The following HS3ST4 variants were observed in gnomAD, a reference collection of about 807,000 sequenced individuals.
The protein encoded by HS3ST4 is heparan sulfate-glucosamine 3-sulfotransferase 4, also known as heparan sulfate glucosamine 3-O-sulfotransferase 4.
Under a neutral mutation model 29.2 loss-of-function variants are expected in HS3ST4, and 17 were observed. The observed-to-expected ratio is 0.58, with a 90% confidence interval of 0.40 to 0.87. HS3ST4 has a LOEUF of 0.87. Among genes scored for constraint, HS3ST4 ranks in the 40% least tolerant of loss-of-function variants. The pLI, the probability that HS3ST4 is intolerant of heterozygous loss-of-function variation, is 0.00. For missense variants in HS3ST4, 627 were observed against 634.5 expected (o/e 0.99, Z 0.13); for synonymous variants, 314 against 285.7 (o/e 1.10, Z -1.00).
At chr16:26,064,610 CTTTT>C (rs869047078) in intron 1 of HS3ST4, among the ~76,000 whole-genome samples, 1 of 88,958 alleles carries the variant, frequency 1.1e-5, no homozygotes, top group Non-Finnish European at 2.2e-5. Context: ...GGATTGTAGT[CTTTT>C]TTTTTTTTTT....
In HS3ST4 at chr16:25,867,006, G is replaced by A. The variant is rs184034029; in HGVS notation, c.734+173855G>A. 1.9e-4 allele frequency among the ~76,000 whole-genome samples: 29 copies of A among 152,068 alleles called. 1 individual carries two copies. The highest frequency in any genetic ancestry group is 3.5e-4 in the Non-Finnish European group (24 of 68,012). On this transcript the variant is annotated intron_variant, in intron 1 of 1. Transcript: ENST00000331351. Reference sequence around the variant, plus strand: ...CTTTGTGAGTAGTTAGGGAATCCTGGAAGACCCACCCAATTCACATAAAGG... The same window carrying A: ...CTTTGTGAGTAGTTAGGGAATCCTGAAAGACCCACCCAATTCACATAAAGG...
chr16:25,874,459 G>A (rs1052595077), intron 1 of HS3ST4, among the ~76,000 whole-genome samples: 2 of 152,108 alleles, frequency 1.3e-5, no homozygotes, highest in Middle Eastern at 3.4e-3. Context: ...TTGGATGCAG[G>A]AAAAAAACAG....
chr16:26,135,964 G>A lies in HS3ST4; in HGVS notation c.1087G>A (p.Asp363Asn). Reference sequence around the variant, plus strand: ...TGTCAGTGGTGAGCGACTCATTGTGGACCCCGCCGGGGAAATGGCCAAAGT... The same window carrying A: ...TGTCAGTGGTGAGCGACTCATTGTGAACCCCGCCGGGGAAATGGCCAAAGT... ...LFVSGERLIV[D>N]PAGEMAKVQD... The change falls in exon 2 of 2, where the codon GAC (aspartate) becomes AAC (asparagine). Residue 363 changes from aspartate to asparagine, a missense_variant. This residue lies in a region of HS3ST4 where 225 missense variants were observed against 293.7 expected (regional missense o/e 0.77). Coordinates refer to ENST00000331351, the MANE Select transcript of HS3ST4 (RefSeq NM_006040.3). 6.2e-7 allele frequency: 1 copy of A among 1,613,980 alleles called. No homozygotes were observed. Among genetic ancestry groups the A allele is most frequent in the African/African-American group, 1.3e-5 (1 of 75,034 alleles).
Position 26,093,589 on chromosome 16 carries a change from A to C in HS3ST4, c.735-42023A>C, listed in dbSNP as rs575258758. ...CAACATCAACAAAAAGGACATCAAC[A>C]CCAAAACCCCATCTGTAGGTCACCA... On this transcript the variant is annotated intron_variant, in intron 1 of 1. Coordinates refer to ENST00000331351, the MANE Select transcript of HS3ST4 (RefSeq NM_006040.3). 4.9e-4 allele frequency among the ~76,000 whole-genome samples: 74 copies of C among 152,242 alleles called. No individual in the cohort carries two copies. The South Asian group carries it at 7.1e-3, about 15-fold the overall frequency.
At chr16:25,876,768 C>A (rs12934190) in intron 1 of HS3ST4, among the ~76,000 whole-genome samples, 111,405 of 151,828 alleles carry the variant, frequency 0.73, 41,480 homozygotes, top group African/African-American at 0.86. Flanking sequence ...TTTTGCCATG[C>A]TTTTTCTGCC....
chr16:26,089,325 C>A (rs1260047818), intron 1 of HS3ST4, among the ~76,000 whole-genome samples: 2 of 152,158 alleles, frequency 1.3e-5, no homozygotes, highest in Non-Finnish European at 2.9e-5. Flanking sequence ...CAGTCTGTGG[C>A]AGCTGAGAGC....
intron 1 of HS3ST4, among the ~76,000 whole-genome samples, chr16:26,054,260 CAGAG>C (rs892485572): frequency 9.7e-6 from 1 of 102,626 alleles, no homozygotes; most frequent in East Asian, 2.6e-4. Flanking sequence ...GAGAGAGAGA[CAGAG>C]AGAGGGAGAG....
At chr16:25,969,616 A>T (rs1172168529) in intron 1 of HS3ST4, among the ~76,000 whole-genome samples, 2 of 152,124 alleles carry the variant, frequency 1.3e-5, no homozygotes, top group Non-Finnish European at 2.9e-5. Flanking sequence ...CATCTCTGAG[A>T]GTCAGTTTTT....
At chr16:25,734,978 T>C (rs1227778591) in intron 1 of HS3ST4, among the ~76,000 whole-genome samples, 1 of 152,162 alleles carries the variant, frequency 6.6e-6, no homozygotes, top group Non-Finnish European at 1.5e-5. Flanking sequence ...CAAAGGAGTG[T>C]GTTTTGTGGA....
intron 1 of HS3ST4, among the ~76,000 whole-genome samples, chr16:26,089,165 G>A (rs1456570577): frequency 2.6e-5 from 4 of 152,196 alleles, no homozygotes. Flanking sequence ...GCTCCTAGAA[G>A]ACTTGTTGCC....
At chr16:25,929,786 ATTTC>A (rs1383475477) in intron 1 of HS3ST4, among the ~76,000 whole-genome samples, 1 of 152,090 alleles carries the variant, frequency 6.6e-6, no homozygotes, top group African/African-American at 2.4e-5. Flanking sequence ...TTAAAAATAT[ATTTC>A]TTTATTTTAT....
At chr16:25,917,472 A>C (rs1968304265) in intron 1 of HS3ST4, among the ~76,000 whole-genome samples, 2 of 152,132 alleles carry the variant, frequency 1.3e-5, no homozygotes, top group African/African-American at 4.8e-5. Flanking sequence ...CAGCCATCTA[A>C]AGTGCTGAGA....
intron 1 of HS3ST4, among the ~76,000 whole-genome samples, chr16:25,771,413 A>C (rs1966841826): frequency 6.6e-6 from 1 of 152,058 alleles, no homozygotes; most frequent in Non-Finnish European, 1.5e-5. Context: ...GCCACAGGAC[A>C]GCTCCCTGTT....
chr16:25,849,698 G>A (rs922111835), intron 1 of HS3ST4, among the ~76,000 whole-genome samples: 1 of 151,930 alleles, frequency 6.6e-6, no homozygotes, highest in African/African-American at 2.4e-5. Flanking sequence ...GTAGAGACGG[G>A]GTCTCACCAT....
intron 1 of HS3ST4, among the ~76,000 whole-genome samples, chr16:25,879,399 A>G (rs1967870261): frequency 6.6e-6 from 1 of 152,164 alleles, no homozygotes; most frequent in African/African-American, 2.4e-5. Flanking sequence ...TTGGACTTAA[A>G]GTTCCACGTG....
chr16:25,977,761 C>T (rs889589283), intron 1 of HS3ST4, among the ~76,000 whole-genome samples: 3 of 152,168 alleles, frequency 2.0e-5, no homozygotes, highest in South Asian at 2.1e-4. Context: ...TAATTAAAGC[C>T]GTAGCAACCA....
intron 1 of HS3ST4, among the ~76,000 whole-genome samples, chr16:26,020,672 G>T (rs193111584): frequency 2.6e-5 from 4 of 152,296 alleles, no homozygotes; most frequent in Admixed American, 1.3e-4. Flanking sequence ...TACTCTCAAG[G>T]TGTGGTTCAT....
intron 1 of HS3ST4, among the ~76,000 whole-genome samples, chr16:26,071,922 T>A (rs147994927): frequency 0.011 from 1,721 of 152,274 alleles, 42 homozygotes; most frequent in African/African-American, 0.038. Context: ...ACGAGGGGTC[T>A]CAAATTGGAG....
chr16:26,115,194 C>A (rs973943485), intron 1 of HS3ST4, among the ~76,000 whole-genome samples: 6 of 140,720 alleles, frequency 4.3e-5, no homozygotes, highest in African/African-American at 1.5e-4. Context: ...ATTATGTATT[C>A]TATATAATTT....
Sources: gnomAD v4.1 joint callset for allele counts (sites outside exome capture counted in the v4.1 genomes callset) on GRCh38, gnomAD v4.1.1 for gene constraint, gnomAD v4.1.1 regional missense constraint, MANE v1.5 for transcripts, NCBI Gene and HGNC (gene_info 2026-07-23, HGNC 2026-07-21) for gene names.